Variants in PLAUR observed in about 807,000 individuals in gnomAD.
The protein encoded by PLAUR is plasminogen activator, urokinase receptor.
Under a neutral mutation model 33.4 loss-of-function variants are expected in PLAUR, and 22 were observed. The ratio of observed to expected loss-of-function variants is 0.66; its 90% CI spans 0.47 to 0.94. The LOEUF is 0.94. Among genes scored for constraint, PLAUR ranks in the 40% least tolerant of loss-of-function variants. PLAUR has a pLI of 0.00. For missense variants in PLAUR, 408 were observed against 434.7 expected (o/e 0.94, Z 0.55); for synonymous variants, 148 against 167.3 (o/e 0.88, Z 0.89).
chr19:43,652,747 C>T (rs1974049739), intron 5 of PLAUR, among the ~76,000 whole-genome samples: 1 of 152,248 alleles, frequency 6.6e-6, no homozygotes, highest in South Asian at 2.1e-4. Context: ...ACCACCCCGG[C>T]TCAAGAGATT....
chr19:43,662,327 C>G (rs938786253), intron 3 of PLAUR, among the ~76,000 whole-genome samples: 1 of 151,982 alleles, frequency 6.6e-6, no homozygotes, highest in African/African-American at 2.4e-5. Context: ...GAAACCCCAT[C>G]TCTACTAAAA....
At chr19:43,663,276 G>T (rs1967080785) in intron 3 of PLAUR, among the ~76,000 whole-genome samples, 1 of 149,162 alleles carries the variant, frequency 6.7e-6, no homozygotes, top group Non-Finnish European at 1.5e-5. Context: ...GTCACTGTCT[G>T]GTGATGGATG....
At chr19:43,659,212 G>A (rs1290213847) in intron 3 of PLAUR, among the ~76,000 whole-genome samples, 2 of 115,930 alleles carry the variant, frequency 1.7e-5, no homozygotes, top group African/African-American at 3.4e-5. Context: ...TCCCAAGGCT[G>A]GAGTGCAGTG....
At chr19:43,646,786 GTCT>G (rs1973831523), downstream of PLAUR, among the ~76,000 whole-genome samples, 1 of 128,946 alleles carries the variant, frequency 7.8e-6, no homozygotes, top group Admixed American at 8.1e-5. Flanking sequence ...CATGGAAGAT[GTCT>G]TTTTTTTTTT....
At position 43,656,260 on chromosome 19, in the gene PLAUR, AT is replaced by A. The variant is rs372841015; in HGVS notation, c.472+218del. Among the ~76,000 whole-genome samples the A allele has an allele frequency of 4.8e-4, 66 of 137,128 alleles. 1 individual carries two copies. The highest frequency in any genetic ancestry group is 1.4e-3 in the African/African-American group (50 of 35,670). 90.0% of individuals were successfully genotyped at this position (137,128 alleles called of 152,430 possible). ...AGAGAGCAAGACTCTGTCTCAAAAA[AT>A]AAATAAATAAATAAATAAAAAGAAA... On this transcript the variant is annotated intron_variant, in intron 4 of 6. Coordinates refer to ENST00000340093, the MANE Select transcript of PLAUR (RefSeq NM_002659.4).
intron 2 of PLAUR, 38 bp downstream of exon 2, chr19:43,667,543 C>A: frequency 1.4e-6 from 2 of 1,397,982 alleles, no homozygotes; most frequent in Non-Finnish European, 2.0e-6. Context: ...GCGTTCCATG[C>A]TGCGCTGGAG....
intron 3 of PLAUR, among the ~76,000 whole-genome samples, chr19:43,657,169 C>A (rs369316773): frequency 4.6e-5 from 7 of 152,218 alleles, no homozygotes; most frequent in East Asian, 1.9e-4. Flanking sequence ...GTCTCGAACT[C>A]CTAACCTCAA....
At chr19:43,646,150 G>A, downstream of PLAUR, 1 of 224,260 alleles carries the variant, frequency 4.5e-6, no homozygotes, top group Non-Finnish European at 8.9e-6. Flanking sequence ...TGTTGCCCAG[G>A]CTGATCTTGA....
At chr19:43,652,409 T>A (rs777577944) in intron 5 of PLAUR, 38 bp from the exon 6 acceptor site, 1 of 1,599,222 alleles carries the variant, frequency 6.3e-7, no homozygotes, top group Non-Finnish European at 8.6e-7. Context: ...CCAAGAAAAT[T>A]AGTGCTTGGA....
At chr19:43,652,423 C>T in intron 5 of PLAUR, 52 bp from the exon 6 acceptor site, 1 of 1,570,122 alleles carries the variant, frequency 6.4e-7, no homozygotes, top group Non-Finnish European at 8.7e-7. Flanking sequence ...GCTTGGATCT[C>T]CACTTCCTTG....
chr19:43,668,646 T>A (rs1341779380), intron 1 of PLAUR, among the ~76,000 whole-genome samples: 1 of 103,274 alleles, frequency 9.7e-6, no homozygotes, highest in Non-Finnish European at 1.9e-5. Context: ...CCGTAGCTCC[T>A]CCCCAAGCTT....
At position 43,665,307 on chromosome 19, in the gene PLAUR, C is replaced by G; in HGVS notation, c.310+9G>C. 1 of 1,613,658 alleles carries G rather than the reference C, an allele frequency of 6.2e-7. No individual in the cohort carries two copies. Among genetic ancestry groups the G allele is most frequent in the East Asian group, 2.2e-5 (1 of 44,846 alleles). On this transcript the variant is annotated intron_variant, in intron 3 of 6. Coordinates refer to ENST00000340093, the MANE Select transcript of PLAUR (RefSeq NM_002659.4). ...TGGGGTTGGGGATGGCAAGGGCTGC[C>G]CTACTCACCAGAGTTGCCCTGGTTG...
At chr19:43,649,217 C>CAGGT in intron 6 of PLAUR, 74 bp from the exon 7 acceptor site, 2 of 1,532,240 alleles carry the variant, frequency 1.3e-6, no homozygotes, top group Non-Finnish European at 1.8e-6. Flanking sequence ...AGGTGACCTG[C>CAGGT]CACCTTGCAG....
chr19:43,660,152 G>A (rs1182686330), intron 3 of PLAUR, among the ~76,000 whole-genome samples: 3 of 96,000 alleles, frequency 3.1e-5, no homozygotes, highest in African/African-American at 1.2e-4. Flanking sequence ...ACAGAGTCTT[G>A]CGTTTTGTTT....
rs369283292 is a variant in PLAUR, at chr19:43,655,824, C to A, written c.473-251G>T. On this transcript the variant is annotated intron_variant, in intron 4 of 6. Coordinates refer to ENST00000340093, the MANE Select transcript of PLAUR (RefSeq NM_002659.4). Reference sequence around the variant, plus strand: ...TTATGGGACTTCCAGAAAGGAGAACCCTTACAAAAGGAGGAGTGCCCCCTT... The same window carrying A: ...TTATGGGACTTCCAGAAAGGAGAACACTTACAAAAGGAGGAGTGCCCCCTT... Among the ~76,000 whole-genome samples the A allele has an allele frequency of 6.6e-5, 10 of 152,266 alleles. No individual in the cohort carries two copies. The East Asian group carries it at 9.6e-4, about 15-fold the overall frequency.
downstream of PLAUR, chr19:43,646,217 G>T: frequency 2.3e-6 from 1 of 431,224 alleles, no homozygotes; most frequent in Non-Finnish European, 4.2e-6. Context: ...AGGACTACAG[G>T]CATGAGCCAC....
intron 1 of PLAUR, 142 bp downstream of exon 1, chr19:43,669,924 C>T: frequency 1.3e-6 from 1 of 778,344 alleles, no homozygotes; most frequent in East Asian, 2.8e-5. Context: ...CGTGGCGTTG[C>T]ACAAAGCACG....
At chr19:43,668,893 G>T (rs1967396721) in intron 1 of PLAUR, among the ~76,000 whole-genome samples, 1 of 151,464 alleles carries the variant, frequency 6.6e-6, no homozygotes, top group Non-Finnish European at 1.5e-5. Context: ...TCTTCCTTGA[G>T]GTTCCAGCCC....
Position 43,665,359 on chromosome 19 carries a change from G to C in PLAUR, c.267C>G (p.Thr89=). The stretch of plus-strand genomic sequence containing the variant: ...ACAAGTCTAACCCACACACAACCTC[G>C]GTAAGGCTGGTGATCTTCAAGCCAG... The part of the protein sequence containing the change: ...YRTGLKITSL[T]EVVCGLDLCN... The change falls in exon 3 of 7, where the codon ACC becomes ACG. Residue 89 remains threonine, a synonymous_variant. Coordinates refer to ENST00000340093, the MANE Select transcript of PLAUR (RefSeq NM_002659.4). 1.2e-6 allele frequency: 2 copies of C among 1,613,946 alleles called. No homozygotes were observed. The highest frequency in any genetic ancestry group is 1.7e-6 in the Non-Finnish European group (2 of 1,179,998).
Sources: gnomAD v4.1 joint callset for allele counts (sites outside exome capture counted in the v4.1 genomes callset) on GRCh38, gnomAD v4.1.1 for gene constraint, MANE v1.5 for transcripts, NCBI Gene and HGNC (gene_info 2026-07-23, HGNC 2026-07-21) for gene names.